Variants in ERCC6L observed in about 807,000 individuals in gnomAD.
The protein encoded by ERCC6L is ERCC excision repair 6 like, spindle assembly checkpoint helicase.
Under a neutral mutation model 20.1 loss-of-function variants are expected in ERCC6L, and 7 were observed. The ratio of observed to expected loss-of-function variants is 0.35; its 90% confidence interval spans 0.20 to 0.65. ERCC6L has a LOEUF of 0.65. Among genes scored for constraint, ERCC6L ranks in the 30% least tolerant of loss-of-function variants. The pLI is 0.69. For missense variants in ERCC6L, 592 were observed against 892.4 expected, an observed-to-expected ratio of 0.66 and a Z score of 4.29; for synonymous variants, 278 against 331.3, an observed-to-expected ratio of 0.84 and a Z score of 1.75.
chrX:72,226,674 G>A (rs1319627129), intron 1 of ERCC6L, among the ~76,000 whole-genome samples: 1 of 108,507 alleles, frequency 9.2e-6, no homozygotes, highest in East Asian at 2.8e-4. Flanking sequence ...GTGAGGCTGA[G>A]TATTGGGCAA....
At chrX:72,221,981 C>T (rs2042925763) in intron 1 of ERCC6L, among the ~76,000 whole-genome samples, 1 of 109,773 alleles carries the variant, frequency 9.1e-6, no homozygotes, top group Non-Finnish European at 1.9e-5. Context: ...TTCGTATTCC[C>T]ATCCCCCTGG....
intron 1 of ERCC6L, among the ~76,000 whole-genome samples, chrX:72,233,323 C>T (rs1444470906): frequency 9.0e-6 from 1 of 111,569 alleles, no homozygotes; most frequent in African/African-American, 3.3e-5. Context: ...AAATCATTGT[C>T]ATAGAAATAA....
intron 1 of ERCC6L, among the ~76,000 whole-genome samples, chrX:72,233,774 A>G (rs1193962060): frequency 9.2e-6 from 1 of 108,263 alleles, no homozygotes; most frequent in East Asian, 2.9e-4. Flanking sequence ...CAATGAATTC[A>G]TTTATTTTGT....
chrX:72,223,074 C>G (rs1474439908), intron 1 of ERCC6L, among the ~76,000 whole-genome samples: 1 of 103,877 alleles, frequency 9.6e-6, no homozygotes, highest in African/African-American at 3.5e-5. Context: ...CAGTGGCTCA[C>G]GCCTGTAATC....
intron 1 of ERCC6L, among the ~76,000 whole-genome samples, chrX:72,225,547 GAAAGC>G (rs1213697771): frequency 8.9e-6 from 1 of 112,415 alleles, no homozygotes; most frequent in African/African-American, 3.2e-5. Context: ...CTGCCAGCAT[GAAAGC>G]AAAGCATTCA....
At chrX:72,232,740 G>A (rs1278917208) in intron 1 of ERCC6L, among the ~76,000 whole-genome samples, 1 of 111,929 alleles carries the variant, frequency 8.9e-6, no homozygotes, top group African/African-American at 3.2e-5. Flanking sequence ...AACCCGGGAG[G>A]TGGAGGTTGC....
chrX:72,204,882 G>T lies in ERCC6L; in HGVS notation c.*132C>A. 2.1e-6 allele frequency: 1 copy of T among 484,804 alleles called. No homozygotes were observed. Among genetic ancestry groups the T allele is most frequent in the African/African-American group, 2.4e-5 (1 of 41,554 alleles). 40.0% of individuals were successfully genotyped at this position (484,804 alleles called of 1,213,427 possible). On this transcript the variant is annotated 3_prime_UTR_variant, in exon 2 of 2. Transcript: ENST00000334463. ...GACTATGGAGTGGGGGGCGTTGCAG[G>T]GCAGAAGTTGCTTTTTGAGATCTTT... is the stretch of plus-strand genomic sequence containing the variant.
intron 1 of ERCC6L, among the ~76,000 whole-genome samples, chrX:72,218,282 A>T (rs2042899001): frequency 9.3e-6 from 1 of 107,136 alleles, no homozygotes; most frequent in Admixed American, 1.0e-4. Context: ...AAAAAAAAAA[A>T]AAATTAATAA....
chrX:72,211,856 C>T (rs1447925395), intron 1 of ERCC6L, among the ~76,000 whole-genome samples: 1 of 111,853 alleles, frequency 8.9e-6, no homozygotes, highest in Non-Finnish European at 1.9e-5. Context: ...TAAACTTGGG[C>T]TACAAAGTCC....
At chrX:72,212,950 A>G (rs1182173933) in intron 1 of ERCC6L, among the ~76,000 whole-genome samples, 1 of 112,283 alleles carries the variant, frequency 8.9e-6, no homozygotes, top group Non-Finnish European at 1.9e-5. Flanking sequence ...TGTCTCAAAA[A>G]AAAAAGAATG....
intron 1 of ERCC6L, among the ~76,000 whole-genome samples, chrX:72,227,632 A>G (rs866361991): frequency 9.0e-6 from 1 of 110,767 alleles, no homozygotes; most frequent in African/African-American, 3.3e-5. Context: ...GCTGACAAAT[A>G]CCTGCCACAA....
intron 1 of ERCC6L, among the ~76,000 whole-genome samples, chrX:72,226,568 A>G (rs2042955073): frequency 1.8e-5 from 2 of 112,159 alleles, no homozygotes; most frequent in Admixed American, 1.9e-4. Flanking sequence ...TGGAAAACTC[A>G]TCACTTACTA....
At chrX:72,214,918 T>A (rs979672708) in intron 1 of ERCC6L, among the ~76,000 whole-genome samples, 1 of 105,513 alleles carries the variant, frequency 9.5e-6, no homozygotes, top group Non-Finnish European at 2.0e-5. Context: ...ACTCAGGAGA[T>A]GGAGGTTGCA....
intron 1 of ERCC6L, among the ~76,000 whole-genome samples, chrX:72,221,973 C>T (rs918533594): frequency 3.6e-5 from 4 of 109,725 alleles, no homozygotes; most frequent in East Asian, 2.9e-4. Context: ...GAACCCCCTT[C>T]GTATTCCCAT....
chrX:72,222,950 A>G (rs1311614710), intron 1 of ERCC6L, among the ~76,000 whole-genome samples: 2 of 109,023 alleles, frequency 1.8e-5, no homozygotes, highest in South Asian at 4.0e-4. Flanking sequence ...AAATATACCA[A>G]TCTGGATCCA....
intron 1 of ERCC6L, among the ~76,000 whole-genome samples, chrX:72,217,484 G>A (rs2042892977): frequency 9.0e-6 from 1 of 111,723 alleles, no homozygotes; most frequent in Non-Finnish European, 1.9e-5. Context: ...AATAGAGTAC[G>A]GAGCTGACAG....
At chrX:72,213,352 A>T (rs992970603) in intron 1 of ERCC6L, among the ~76,000 whole-genome samples, 4 of 112,028 alleles carry the variant, frequency 3.6e-5, no homozygotes, top group Non-Finnish European at 5.6e-5. Context: ...GTCAAATCAT[A>T]TATCGCCCGA....
chrX:72,208,506 T>C lies in ERCC6L; in HGVS notation c.261A>G (p.Leu87=). 8.3e-7 allele frequency: 1 copy of C among 1,211,832 alleles called. No individual in the cohort carries two copies. The highest frequency in any genetic ancestry group is 1.7e-5 in the African/African-American group (1 of 57,849). The change falls in exon 2 of 2, where the codon CTA becomes CTG. Residue 87 remains leucine (L), a synonymous_variant. Coordinates refer to ENST00000334463, the MANE Select transcript of ERCC6L (RefSeq NM_017669.4). ...EFTDVCNSGL[L]LYRELHNQLF... ...GTTGGTTGTGCAGTTCTCGATAAAG[T>C]AGCAAGCCAGAGTTGCACACATCTG... is the stretch of plus-strand genomic sequence containing the variant.
At chrX:72,212,524 AAC>A in intron 1 of ERCC6L, among the ~76,000 whole-genome samples, 1 of 112,187 alleles carries the variant, frequency 8.9e-6, no homozygotes, top group South Asian at 3.7e-4. Flanking sequence ...AGCTAAGTTA[AAC>A]ACACAGTGTT....
Sources: gnomAD v4.1 joint callset for allele counts (sites outside exome capture counted in the v4.1 genomes callset) on GRCh38, gnomAD v4.1.1 for gene constraint, MANE v1.5 for transcripts, NCBI Gene and HGNC (gene_info 2026-07-23, HGNC 2026-07-21) for gene names.